CDH4: variants seen among roughly 807,000 people sequenced by gnomAD.
The protein encoded by CDH4 is cadherin-4.
Under a neutral mutation model 86.0 loss-of-function variants are expected in CDH4, and 33 were observed. That is an observed-to-expected ratio of 0.38 (90% CI 0.29 to 0.51). The LOEUF (loss-of-function observed/expected upper bound fraction) is 0.51, where lower values mean the gene tolerates loss of function less well. CDH4 is among the 20% of genes least tolerant of loss of function. CDH4 has a pLI of 0.86. For synonymous variants in CDH4, 555 were observed against 549.4 expected (o/e 1.01, Z -0.14); for missense variants, 1,114 against 1,307.4 (o/e 0.85, Z 2.28).
At chr20:61,305,586 C>A (rs1037421040) in intron 2 of CDH4, among the ~76,000 whole-genome samples, 1 of 152,256 alleles carries the variant, frequency 6.6e-6, no homozygotes, top group Non-Finnish European at 1.5e-5. Context: ...CTTTTCAATT[C>A]TCTTGACCTC....
In CDH4 at chr20:61,452,803, A is replaced by G. The variant is rs533592205; in HGVS notation, c.169+197866A>G. Among the ~76,000 whole-genome samples the G allele has an allele frequency of 2.0e-5, 3 of 152,314 alleles. No homozygotes were observed. In the South Asian group the frequency reaches 6.2e-4, roughly 32 times the overall value. ...AAACCTTGAGAAAGTGGCCCCTGGCAGGTGGAGAAGATATGAAATAGGGGA... is the reference window on the plus strand; with the variant it reads ...AAACCTTGAGAAAGTGGCCCCTGGCGGGTGGAGAAGATATGAAATAGGGGA... On this transcript the variant is annotated intron_variant, in intron 2 of 15. Transcript: ENST00000614565.
rs895162347 is a variant in CDH4, at chr20:61,392,604, C to T, written c.169+137667C>T. Among the ~76,000 whole-genome samples, 1 of 152,098 alleles carries T rather than the reference C, an allele frequency of 6.6e-6. No individual in the cohort carries two copies. The highest frequency in any genetic ancestry group is 2.4e-5 in the African/African-American group (1 of 41,410). On this transcript the variant is annotated intron_variant, in intron 2 of 15. Coordinates refer to ENST00000614565, the MANE Select transcript of CDH4 (RefSeq NM_001794.5). The surrounding 1 kb of genome is among the most constrained non-coding windows in gnomAD (Gnocchi z 5.7). ...AGATTAAATATTGCCCTGAGCAGTG[C>T]CCCATAAAGGGGAAATATGGTCCTA...
chr20:61,565,182 T>TA (rs201894686), intron 2 of CDH4, among the ~76,000 whole-genome samples: 9 of 77,214 alleles, frequency 1.2e-4, no homozygotes, highest in South Asian at 1.1e-3. Flanking sequence ...GTGGTGGTGG[T>TA]GGTGGTCCTC....
In CDH4 at chr20:61,565,348, C is replaced by T. The variant is rs1346625824; in HGVS notation, c.170-178215C>T. Among the ~76,000 whole-genome samples the T allele has an allele frequency of 8.2e-5, 2 of 24,446 alleles. 1 individual carries two copies. The highest frequency in any genetic ancestry group is 1.5e-4 in the Non-Finnish European group (2 of 13,378). 16.0% of individuals were successfully genotyped at this position (24,446 alleles called of 152,430 possible). On this transcript the variant is annotated intron_variant, in intron 2 of 15. Coordinates refer to ENST00000614565, the MANE Select transcript of CDH4 (RefSeq NM_001794.5). ...TCTTGGTGATGGTGGTAGTGGTCCT[C>T]TTGGTGATGGGGTGATGGTGGTGGT...
At chr20:61,731,140 G>A (rs1385912399) in intron 2 of CDH4, among the ~76,000 whole-genome samples, 1 of 152,084 alleles carries the variant, frequency 6.6e-6, no homozygotes, top group East Asian at 1.9e-4. Context: ...CATCTGCAGA[G>A]CATGAGGGCG....
intron 2 of CDH4, among the ~76,000 whole-genome samples, chr20:61,693,884 CTTTTTT>C (rs11479778): frequency 3.6e-5 from 3 of 82,704 alleles, no homozygotes; most frequent in South Asian, 5.8e-4. Context: ...CTCTTTCTTT[CTTTTTT>C]TTTTTTTTTT....
At chr20:61,271,007 A>C (rs150429419) in intron 2 of CDH4, among the ~76,000 whole-genome samples, 130 of 152,272 alleles carry the variant, frequency 8.5e-4, no homozygotes, top group South Asian at 6.2e-3. Flanking sequence ...AATGTTAAAT[A>C]CTATAAGCAC....
rs1392296070 is a variant in CDH4, at chr20:61,417,816, G to A, written c.169+162879G>A. ...AGGAAGTCTGAGTTTGGAAGGCGCC[G>A]CCAGAGACTGCACTTCAGTGTACTG... On this transcript the variant is annotated intron_variant, in intron 2 of 15. Coordinates refer to ENST00000614565, the MANE Select transcript of CDH4 (RefSeq NM_001794.5). This position sits in a 1 kb window ranked among gnomAD's most constrained non-coding sequence, Gnocchi z 4.0. Among the ~76,000 whole-genome samples the A allele has an allele frequency of 1.3e-5, 2 of 152,094 alleles. No individual in the cohort carries two copies. Among genetic ancestry groups the A allele is most frequent in the African/African-American group, 4.8e-5 (2 of 41,414 alleles).
intron 2 of CDH4, among the ~76,000 whole-genome samples, chr20:61,560,070 AC>A (rs2086205442): frequency 6.6e-6 from 1 of 152,078 alleles, no homozygotes; most frequent in South Asian, 2.1e-4. Context: ...GAGGAGATCG[AC>A]CCTGCCACTC....
At chr20:61,732,717 G>T (rs1167647928) in intron 2 of CDH4, among the ~76,000 whole-genome samples, 3 of 152,234 alleles carry the variant, frequency 2.0e-5, no homozygotes, top group Non-Finnish European at 4.4e-5. Flanking sequence ...CTTCCCGGGG[G>T]AGGACCTCGG....
intron 2 of CDH4, among the ~76,000 whole-genome samples, chr20:61,616,208 G>A (rs1374343505): frequency 6.6e-6 from 1 of 152,204 alleles, no homozygotes; most frequent in Admixed American, 6.5e-5. Flanking sequence ...GACCAGAAAG[G>A]CCGTGACAGG....
intron 4 of CDH4, among the ~76,000 whole-genome samples, chr20:61,843,040 T>C (rs1204775354): frequency 6.6e-6 from 1 of 152,190 alleles, no homozygotes; most frequent in Non-Finnish European, 1.5e-5. Flanking sequence ...CTTTTTTCAG[T>C]TTTGTTATTA....
At chr20:61,447,323 A>ATTTTTTTTTTTTTTTTTTT (rs71331923) in intron 2 of CDH4, among the ~76,000 whole-genome samples, 5 of 110,858 alleles carry the variant, frequency 4.5e-5, no homozygotes, top group Non-Finnish European at 5.4e-5. Context: ...CGCCCAGCTG[A>ATTTTTTTTTTTTTTTTTTT]TTTTTTTTTT....
At chr20:61,839,988 T>C (rs1021866562) in intron 4 of CDH4, among the ~76,000 whole-genome samples, 1 of 152,052 alleles carries the variant, frequency 6.6e-6, no homozygotes, top group Non-Finnish European at 1.5e-5. Context: ...TGTGAGGCAG[T>C]GGTCAGGACC....
At chr20:61,763,054 C>T (rs527258856) in intron 3 of CDH4, among the ~76,000 whole-genome samples, 17 of 147,068 alleles carry the variant, frequency 1.2e-4, no homozygotes, top group African/African-American at 3.9e-4. Context: ...ACATGTCCAG[C>T]AGGATCAGTG....
At chr20:61,885,438 G>A (rs528405107) in intron 7 of CDH4, among the ~76,000 whole-genome samples, 2 of 152,290 alleles carry the variant, frequency 1.3e-5, no homozygotes, top group East Asian at 1.9e-4. Context: ...CTCACCGAGC[G>A]TCACCGTGGT....
intron 7 of CDH4, among the ~76,000 whole-genome samples, chr20:61,887,442 C>T (rs555471407): frequency 2.6e-5 from 4 of 152,332 alleles, no homozygotes; most frequent in African/African-American, 9.6e-5. Flanking sequence ...GGTTTACATG[C>T]ATACAGAGGT....
intron 2 of CDH4, among the ~76,000 whole-genome samples, chr20:61,486,018 C>T (rs1386663073): frequency 6.6e-6 from 1 of 152,198 alleles, no homozygotes; most frequent in Non-Finnish European, 1.5e-5. Context: ...TGCCAGAATG[C>T]CAGGCTATGC....
intron 6 of CDH4, 27 bp from the exon 7 acceptor site, chr20:61,873,701 C>G: frequency 6.2e-7 from 1 of 1,603,952 alleles, no homozygotes; most frequent in Non-Finnish European, 8.5e-7. Context: ...CAGGCCATCC[C>G]CATCTGAGCT....
Sources: gnomAD v4.1 joint callset for allele counts (sites outside exome capture counted in the v4.1 genomes callset) on GRCh38, gnomAD v4.1.1 for gene constraint, Gnocchi (gnomAD v3.1) non-coding constraint, MANE v1.5 for transcripts, NCBI Gene and HGNC (gene_info 2026-07-23, HGNC 2026-07-21) for gene names.